NPR1: variants seen among roughly 807,000 people sequenced by gnomAD.
NPR1 encodes the protein atrial natriuretic peptide receptor 1.
Under a neutral mutation model 116.9 loss-of-function variants are expected in NPR1, and 57 were observed. The observed-to-expected ratio is 0.49, with a 90% CI of 0.39 to 0.61. The LOEUF is 0.61. Ranked by LOEUF, NPR1 falls within the 20% of genes least tolerant of loss-of-function variation. The probability of loss-of-function intolerance (pLI) is 0.00; values close to 1 mark genes in which losing one functional copy is unlikely to be tolerated. For missense variants in NPR1, 1,096 were observed against 1,409.8 expected (o/e 0.78, Z 3.56); for synonymous variants, 555 against 601.6 (o/e 0.92, Z 1.13).
intron 20 of NPR1, among the ~76,000 whole-genome samples, chr1:153,690,899 C>T (rs983771238): frequency 4.4e-5 from 6 of 136,180 alleles, no homozygotes; most frequent in African/African-American, 8.5e-5. Context: ...GCCAAGATTA[C>T]ACCACGCACC....
chr1:153,685,947 T>TG, intron 9 of NPR1, 67 bp downstream of exon 9: 28 of 1,498,608 alleles, frequency 1.9e-5, no homozygotes, highest in Non-Finnish European at 2.6e-5. Flanking sequence ...GGAGGACTGG[T>TG]GGGGGGTTCT....
At chr1:153,688,574 C>T (rs1670000300) in intron 15 of NPR1, 1 of 412,038 alleles carries the variant, frequency 2.4e-6, no homozygotes, top group Non-Finnish European at 4.4e-6. Flanking sequence ...GCTCCTGCCC[C>T]ACCCCTTGAT....
Position 153,686,691 on chromosome 1 carries a change from T to C in NPR1, c.1804T>C (p.Cys602Arg). The part of the protein sequence containing the change: ...NEHLTRFVGA[C>R]TDPPNICILT... ...ACACCTGACCAGGTTTGTGGGAGCCTGCACCGACCCCCCCAATATCTGCAT... is the reference window on the plus strand; with the variant it reads ...ACACCTGACCAGGTTTGTGGGAGCCCGCACCGACCCCCCCAATATCTGCAT... Residue 602 changes from cysteine (C) to arginine (R), a missense_variant, in exon 11 of 22, where the codon TGC becomes CGC. Transcript: ENST00000368680. The C allele has an allele frequency of 6.2e-7, 1 of 1,613,972 alleles. No individual in the cohort carries two copies. The highest frequency in any genetic ancestry group is 8.5e-7 in the Non-Finnish European group (1 of 1,179,916).
chr1:153,693,106 C>T lies in NPR1; in HGVS notation c.3032C>T (p.Ala1011Val). ...TASRMESNGE[A>V]LKIHLSSETK... ...TTCCCTTCTCCCCTGTCCTACCCAG[C>T]CCTGAAGATCCACTTGTCTTCTGAG... Residue 1011 changes from alanine (A) to valine (V), a missense_variant and splice_region_variant, in exon 21 of 22, where the codon GCC becomes GTC. Coordinates refer to ENST00000368680, the MANE Select transcript of NPR1 (RefSeq NM_000906.4). The T allele has an allele frequency of 6.2e-7, 1 of 1,613,234 alleles. No homozygotes were observed. The highest frequency in any genetic ancestry group is 1.1e-5 in the South Asian group (1 of 90,924).
At chr1:153,691,521 C>A (rs1292253921) in intron 20 of NPR1, among the ~76,000 whole-genome samples, 1 of 152,110 alleles carries the variant, frequency 6.6e-6, no homozygotes, top group Non-Finnish European at 1.5e-5. Flanking sequence ...TCTAGTTCGG[C>A]AAATATTCCC....
At chr1:153,688,862 A>C (rs1670006742) in intron 15 of NPR1, 91 bp from the exon 16 acceptor site, 4 of 1,519,174 alleles carry the variant, frequency 2.6e-6, no homozygotes, top group Non-Finnish European at 2.7e-6. Context: ...ACCTCACTGC[A>C]GTCTGGAGGG....
Position 153,689,537 on chromosome 1 carries a change from G to C in NPR1, c.2757+16G>C. 6.2e-7 allele frequency: 1 copy of C among 1,608,700 alleles called. No individual in the cohort carries two copies. The highest frequency in any genetic ancestry group is 8.5e-7 in the Non-Finnish European group (1 of 1,175,116). The stretch of plus-strand genomic sequence containing the variant: ...TGTGTACAAGGTGAGGGTGGGAGTG[G>C]GGATGGGAAGGGACAGACAGACATG... On this transcript the variant is annotated intron_variant, in intron 18 of 21. Transcript: ENST00000368680. The surrounding 1 kb of genome is among the most constrained non-coding windows in gnomAD (Gnocchi z 5.1).
rs1557963479 is a variant in NPR1, at chr1:153,686,754, A to G, written c.1863+4A>G. 1 of 1,610,818 alleles carries G rather than the reference A, an allele frequency of 6.2e-7. No individual in the cohort carries two copies. The highest frequency in any genetic ancestry group is 1.3e-5 in the African/African-American group (1 of 74,928). The stretch of plus-strand genomic sequence containing the variant: ...CTGTCCCCGTGGGAGCCTGCAGGTG[A>G]GGGGGACAAGGGGTGTCAAGAAACC... On this transcript the variant is annotated splice_donor_region_variant and intron_variant, in intron 11 of 21. Transcript: ENST00000368680.
At chr1:153,685,761 C>A in intron 8 of NPR1, 45 bp from the exon 9 acceptor site, 1 of 1,477,036 alleles carries the variant, frequency 6.8e-7, no homozygotes, top group Non-Finnish European at 9.5e-7. Flanking sequence ...AGGATGCAGA[C>A]TGGGCCCACC....
Position 153,693,968 on chromosome 1 carries a change from A to T in NPR1, c.*554A>T. On this transcript the variant is annotated 3_prime_UTR_variant, in exon 22 of 22. Transcript: ENST00000368680. ...TGCCTTGCTTCTACCATGAGCAGAGACAATTAAAATCTTTATTCCAGTGAC... is the reference window on the plus strand; with the variant it reads ...TGCCTTGCTTCTACCATGAGCAGAGTCAATTAAAATCTTTATTCCAGTGAC... 2.5e-6 allele frequency: 1 copy of T among 395,530 alleles called. No individual in the cohort carries two copies. Among genetic ancestry groups the T allele is most frequent in the East Asian group, 3.6e-5 (1 of 27,936 alleles). 24.5% of individuals were successfully genotyped at this position (395,530 alleles called of 1,614,324 possible). A position where few individuals can be genotyped will look rare whatever the true frequency, so the allele number is the denominator to read the frequency against.
At position 153,685,889 on chromosome 1, in the gene NPR1, G is replaced by C. The variant is rs2101734228; in HGVS notation, c.1680+9G>C. On this transcript the variant is annotated intron_variant, in intron 9 of 21. Coordinates refer to ENST00000368680, the MANE Select transcript of NPR1 (RefSeq NM_000906.4). ...AGACAGCATATTATAAGGTGGGCCT[G>C]GGGAAAGATCACTGGGCCTTGGGAC... is the stretch of plus-strand genomic sequence containing the variant. 1 of 1,611,864 alleles carries C rather than the reference G, an allele frequency of 6.2e-7. No individual in the cohort carries two copies. Among genetic ancestry groups the C allele is most frequent in the Non-Finnish European group, 8.5e-7 (1 of 1,178,092 alleles).
In NPR1 at chr1:153,681,013, C is replaced by A. The variant is rs868304012; in HGVS notation, c.922-167C>A. 1.7e-5 allele frequency: 10 copies of A among 605,254 alleles called. 1 individual carries two copies. In the Middle Eastern group the frequency reaches 2.7e-3, roughly 164 times the overall value. The allele number at this position is 605,254 out of a possible 1,614,324, so 37.5% of individuals were successfully genotyped here. On this transcript the variant is annotated intron_variant, in intron 2 of 21. Coordinates refer to ENST00000368680, the MANE Select transcript of NPR1 (RefSeq NM_000906.4). ...ACTTGGAGAAGGCATCCCATTGGAT[C>A]CCCTGCTTTGGAATGGGCATCACTT...
At chr1:153,681,109 C>T in intron 2 of NPR1, 71 bp from the exon 3 acceptor site, 1 of 913,114 alleles carries the variant, frequency 1.1e-6, no homozygotes, top group East Asian at 2.4e-5. Context: ...GGGCTCCCAA[C>T]TGTTGGGGCC....
rs775561392 is a variant in NPR1, at chr1:153,686,649, C to T, written c.1762C>T (p.Arg588Trp). The stretch of plus-strand genomic sequence containing the variant: ...CTGATGCTGGTCCCACTTGCAGATG[C>T]GGGATGTGCAGAATGAACACCTGAC... ...RKVLFELKHMRDVQNEHLTRF... is the reference protein window; with the variant it reads ...RKVLFELKHMWDVQNEHLTRF... Residue 588 changes from arginine to tryptophan, a missense_variant, in exon 11 of 22, where the codon CGG becomes TGG. Physicochemically the swap from Arg to Trp is moderately radical, Grantham distance 101. Coordinates refer to ENST00000368680, the MANE Select transcript of NPR1 (RefSeq NM_000906.4). The T allele has an allele frequency of 4.0e-5, 64 of 1,612,596 alleles. No homozygotes were observed. Among genetic ancestry groups the T allele is most frequent in the Non-Finnish European group, 4.9e-5 (58 of 1,179,290 alleles).
rs931956817 is a variant in NPR1, at chr1:153,693,690, C to T, written c.*276C>T. 5 of 417,190 alleles carry T rather than the reference C, an allele frequency of 1.2e-5. No homozygotes were observed. Among genetic ancestry groups the T allele is most frequent in the African/African-American group, 2.0e-5 (1 of 48,838 alleles). The allele number at this position is 417,190 out of a possible 1,614,324, so 25.8% of individuals were successfully genotyped here. A position where few individuals can be genotyped will look rare whatever the true frequency, so the allele number is the denominator to read the frequency against. On this transcript the variant is annotated 3_prime_UTR_variant, in exon 22 of 22. Coordinates refer to ENST00000368680, the MANE Select transcript of NPR1 (RefSeq NM_000906.4). ...ACCTGCTCTCCACCTGGACTCAGGC[C>T]GGGCTGGGCTGTGGATTCCTGATCC...
intron 5 of NPR1, 149 bp downstream of exon 5, chr1:153,682,738 C>A: frequency 1.5e-6 from 1 of 658,848 alleles, no homozygotes; most frequent in Admixed American, 2.4e-5. Flanking sequence ...AAAACAGACC[C>A]AGCTCCAGTC....
At chr1:153,682,666 C>A in intron 5 of NPR1, 77 bp downstream of exon 5, 2 of 1,083,794 alleles carry the variant, frequency 1.8e-6, no homozygotes, top group Non-Finnish European at 2.8e-6. Flanking sequence ...ACAGCCCTGC[C>A]AGGGCACCTG....
Position 153,678,814 on chromosome 1 carries a change from TCTAACAC to T in NPR1, c.-294_-288del. ...CCCTTTCTCTCTCTCTCTCTCTCTCTCTAACACGCACGCACACTCCCAGTTGTTCACA... is the reference window on the plus strand; with the variant it reads ...CCCTTTCTCTCTCTCTCTCTCTCTCTGCACGCACACTCCCAGTTGTTCACA... On this transcript the variant is annotated 5_prime_UTR_variant, in exon 1 of 22. Transcript: ENST00000368680. The surrounding 1 kb of genome is among the most constrained non-coding windows in gnomAD (Gnocchi z 5.8). The T allele has an allele frequency of 2.3e-6, 1 of 425,570 alleles. No homozygotes were observed. The highest frequency in any genetic ancestry group is 4.1e-6 in the Non-Finnish European group (1 of 242,594). The allele number at this position is 425,570 out of a possible 1,614,324, so 26.4% of individuals were successfully genotyped here.
chr1:153,690,942 CAAAAAAAA>C (rs57820357), intron 20 of NPR1, among the ~76,000 whole-genome samples: 2 of 51,318 alleles, frequency 3.9e-5, no homozygotes, highest in African/African-American at 7.0e-5. Context: ...AACTCTGTCT[CAAAAAAAA>C]AAAAAAAAAA....
Sources: allele counts gnomAD v4.1 joint callset (sites outside exome capture counted in the v4.1 genomes callset), GRCh38; gene constraint gnomAD v4.1.1; non-coding constraint Gnocchi (gnomAD v3.1); transcripts MANE v1.5; gene names NCBI Gene and HGNC (gene_info 2026-07-23, HGNC 2026-07-21).